LAMB3: variants seen among roughly 807,000 people sequenced by gnomAD.
LAMB3 encodes the protein laminin subunit beta-3.
LAMB3 carries 104 observed loss-of-function variants against 140.3 expected under a neutral mutation model. The observed-to-expected ratio is 0.74, with a 90% confidence interval of 0.63 to 0.87. The LOEUF (loss-of-function observed/expected upper bound fraction) is 0.87. Ranked by LOEUF, LAMB3 falls within the 40% of genes least tolerant of loss-of-function variation. The probability of loss-of-function intolerance (pLI) is 0.00; values close to 1 mark genes in which losing one functional copy is unlikely to be tolerated. For missense variants in LAMB3, 1,531 were observed against 1,575.2 expected, an observed-to-expected ratio of 0.97 and a Z score of 0.47; for synonymous variants, 592 against 602.9, an observed-to-expected ratio of 0.98 and a Z score of 0.26.
At chr1:209,645,737 A>AAAAC (rs2076512073) in intron 3 of LAMB3, among the ~76,000 whole-genome samples, 1 of 151,864 alleles carries the variant, frequency 6.6e-6, no homozygotes, top group African/African-American at 2.4e-5. Context: ...AAAAAAAAAA[A>AAAAC]AGCAGATATT....
intron 2 of LAMB3, 109 bp downstream of exon 2, chr1:209,650,808 G>A: frequency 9.9e-7 from 1 of 1,006,320 alleles, no homozygotes; most frequent in Non-Finnish European, 1.6e-6. Context: ...CAACTGAAGG[G>A]ACTACAGGTG....
At position 209,617,812 on chromosome 1, in the gene LAMB3, G is replaced by A. The variant is rs556090346; in HGVS notation, c.3051+95C>T. The A allele has an allele frequency of 2.6e-6, 4 of 1,517,930 alleles. No individual in the cohort carries two copies. The South Asian group carries it at 4.5e-5, about 17-fold the overall frequency. 94.0% of individuals were successfully genotyped at this position (1,517,930 alleles called of 1,614,324 possible). A position where few individuals can be genotyped will look rare whatever the true frequency, so the allele number is the denominator to read the frequency against. ...ACTCTCCTCTAGAACTCCACCTCAG[G>A]TTTTATCTAGTCACTTTCTGGCATT... On this transcript the variant is annotated intron_variant, in intron 20 of 22. Transcript: ENST00000356082.
chr1:209,627,889 C>T (rs940290082), intron 11 of LAMB3, 146 bp downstream of exon 11: 68 of 1,105,944 alleles, frequency 6.1e-5, no homozygotes, highest in Admixed American at 3.4e-4. Flanking sequence ...GAAGTCCGGA[C>T]TCCTGGCAAA....
At chr1:209,639,642 C>G (rs1014468661) in intron 3 of LAMB3, among the ~76,000 whole-genome samples, 1 of 151,838 alleles carries the variant, frequency 6.6e-6, no homozygotes, top group East Asian at 1.9e-4. Flanking sequence ...CACACACACA[C>G]GCACACGCGT....
At position 209,646,864 on chromosome 1, in the gene LAMB3, G is replaced by A. The variant is rs1429360553; in HGVS notation, c.183+3100C>T. 4.6e-5 allele frequency among the ~76,000 whole-genome samples: 7 copies of A among 152,354 alleles called. 1 individual carries two copies. In the East Asian group the frequency reaches 1.3e-3, roughly 29 times the overall value. ...ATTTTTCAAATGAGGCCAACGGATA[G>A]CACAGAAGTAAATGAGGGCAGGGAA... is the stretch of plus-strand genomic sequence containing the variant. On this transcript the variant is annotated intron_variant, in intron 3 of 22. Transcript: ENST00000356082.
Position 209,626,873 on chromosome 1 carries a change from A to C in LAMB3, c.1591T>G (p.Cys531Gly). The C allele has an allele frequency of 6.2e-7, 1 of 1,612,968 alleles. No individual in the cohort carries two copies. Residue 531 changes from cysteine to glycine, a missense_variant, in exon 13 of 23, where the codon TGC becomes GGC. Transcript: ENST00000356082. ...DRTYGDVATG[C>G]RACDCDFRGT... Reference sequence around the variant, plus strand: ...CCAGGCTTTGAGCATGCACCTCGGCATCCTGTGGCCACGTCTCCATAGGTC... The same window carrying C: ...CCAGGCTTTGAGCATGCACCTCGGCCTCCTGTGGCCACGTCTCCATAGGTC...
At chr1:209,651,159 C>G (rs1307183308) in intron 1 of LAMB3, 178 bp from the exon 2 acceptor site, 2 of 608,342 alleles carry the variant, frequency 3.3e-6, no homozygotes, top group African/African-American at 3.7e-5. Flanking sequence ...AGCTCTAGAC[C>G]CTTGTCTCAA....
chr1:209,616,745 C>CCAATAG (rs1665984058), intron 21 of LAMB3, 121 bp from the exon 22 acceptor site: 1 of 935,702 alleles, frequency 1.1e-6, no homozygotes, highest in Non-Finnish European at 1.7e-6. Flanking sequence ...CTATTAGCCC[C>CCAATAG]CAATAGCATT....
At chr1:209,639,993 C>G (rs11811941) in intron 3 of LAMB3, among the ~76,000 whole-genome samples, 3,294 of 152,306 alleles carry the variant, frequency 0.022, 107 homozygotes, top group African/African-American at 0.075. Flanking sequence ...ATAGAACCTC[C>G]CTGCCCAACA....
intron 11 of LAMB3, 74 bp from the exon 12 acceptor site, chr1:209,627,653 G>C: frequency 7.2e-7 from 1 of 1,382,162 alleles, no homozygotes; most frequent in Non-Finnish European, 1.0e-6. Flanking sequence ...CACATCCAGG[G>C]AGGGGCGCTG....
At position 209,622,514 on chromosome 1, in the gene LAMB3, G is replaced by A. The variant is rs781574167; in HGVS notation, c.2701+22C>T. The A allele has an allele frequency of 4.3e-6, 7 of 1,613,216 alleles. No individual in the cohort carries two copies. In the Admixed American group the frequency reaches 5.0e-5, roughly 12 times the overall value. On this transcript the variant is annotated intron_variant, in intron 18 of 22. Coordinates refer to ENST00000356082, the MANE Select transcript of LAMB3 (RefSeq NM_000228.3). ...AGGCAGGACTGGAACAGCAGCCAAG[G>A]TGGGGTGGAGACTGGGCTCACCTGT...
In LAMB3 at chr1:209,626,861, A is replaced by G. The variant is rs779771505; in HGVS notation, c.1597+6T>C. On this transcript the variant is annotated splice_donor_region_variant and intron_variant, in intron 13 of 22. Transcript: ENST00000356082. ...CCTCAGCGTCCCCCAGGCTTTGAGC[A>G]TGCACCTCGGCATCCTGTGGCCACG... The G allele has an allele frequency of 2.5e-6, 4 of 1,610,136 alleles. No homozygotes were observed. In the East Asian group the frequency reaches 8.9e-5, roughly 36 times the overall value.
intron 3 of LAMB3, among the ~76,000 whole-genome samples, chr1:209,645,453 A>C (rs1327206485): frequency 1.3e-5 from 2 of 152,152 alleles, no homozygotes; most frequent in African/African-American, 2.4e-5. Flanking sequence ...GGAGTGGCTC[A>C]CACCTGTAAT....
intron 3 of LAMB3, among the ~76,000 whole-genome samples, chr1:209,644,885 G>A (rs1473968059): frequency 6.6e-6 from 1 of 152,286 alleles, no homozygotes; most frequent in East Asian, 1.9e-4. Context: ...CCAGGCAGGG[G>A]GTAGATGGCC....
rs1410007657 is a variant in LAMB3 at position 209,651,156 on chromosome 1, G to A, written c.-37-175C>T. ...TAGCTTGGAAAATGCTGGAGCTCTA[G>A]ACCCTTGTCTCAAGTGGCATGTGAC... is the stretch of plus-strand genomic sequence containing the variant. On this transcript the variant is annotated intron_variant, in intron 1 of 22. Transcript: ENST00000356082. 2.3e-5 allele frequency: 14 copies of A among 619,708 alleles called. No homozygotes were observed. In the South Asian group the frequency reaches 2.4e-4, roughly 10 times the overall value. The allele number at this position is 619,708 out of a possible 1,614,324, so 38.4% of individuals were successfully genotyped here.
In LAMB3 at chr1:209,626,924, C is replaced by T. The variant is rs1363085288; in HGVS notation, c.1540G>A (p.Ala514Thr). 4.3e-6 allele frequency: 7 copies of T among 1,613,846 alleles called. No individual in the cohort carries two copies. The highest frequency in any genetic ancestry group is 5.9e-6 in the Non-Finnish European group (7 of 1,179,964). Residue 514 changes from alanine (A) to threonine (T), a missense_variant, in exon 13 of 23, where the codon GCA becomes ACA. Coordinates refer to ENST00000356082, the MANE Select transcript of LAMB3 (RefSeq NM_000228.3). ...EGFGGLMCSA[A>T]AIRQCPDRTY... ...CGGTCTGGACACTGGCGGATGGCTG[C>T]AGCGCTGCACATCAGGCCACCAAAG...
chr1:209,622,777 C>A (rs1346702712), intron 17 of LAMB3, 97 bp from the exon 18 acceptor site: 1 of 1,535,148 alleles, frequency 6.5e-7, no homozygotes, highest in Non-Finnish European at 9.0e-7. Flanking sequence ...CCAAGACCTA[C>A]CTAGGAAGCA....
At chr1:209,617,789 T>G in intron 20 of LAMB3, 118 bp downstream of exon 20, 1 of 1,406,612 alleles carries the variant, frequency 7.1e-7, no homozygotes, top group Non-Finnish European at 1.0e-6. Flanking sequence ...AGCTTGTCAC[T>G]CTCCTCTAGA....
Position 209,626,847 on chromosome 1 carries a change from C to A in LAMB3, c.1597+20G>T. 1 of 1,597,218 alleles carries A rather than the reference C, an allele frequency of 6.3e-7. No homozygotes were observed. Among genetic ancestry groups the A allele is most frequent in the Non-Finnish European group, 8.6e-7 (1 of 1,165,390 alleles). On this transcript the variant is annotated intron_variant, in intron 13 of 22. Coordinates refer to ENST00000356082, the MANE Select transcript of LAMB3 (RefSeq NM_000228.3). ...CTCGGCCCCCAGAGCCTCAGCGTCC[C>A]CCAGGCTTTGAGCATGCACCTCGGC... is the stretch of plus-strand genomic sequence containing the variant.
Sources: allele counts gnomAD v4.1 joint callset (sites outside exome capture counted in the v4.1 genomes callset), GRCh38; gene constraint gnomAD v4.1.1; transcripts MANE v1.5; gene names NCBI Gene and HGNC (gene_info 2026-07-23, HGNC 2026-07-21).